The following DNAH11 variants were observed in gnomAD, a reference collection of about 807,000 sequenced individuals.
The protein encoded by DNAH11 is axonemal beta dynein heavy chain 11.
In DNAH11, 442 loss-of-function variants were observed where a neutral mutation model predicts 526.0. The observed-to-expected ratio is 0.84, with a 90% CI of 0.78 to 0.91. The LOEUF (loss-of-function observed/expected upper bound fraction) is 0.91. Ranked by LOEUF, DNAH11 falls within the 40% of genes least tolerant of loss-of-function variation. DNAH11 has a pLI of 0.00. For synonymous variants in DNAH11, 2,461 were observed against 1,935.9 expected, an observed-to-expected ratio of 1.27 and a Z score of -7.12; for missense variants, 6,989 against 5,448.7, an observed-to-expected ratio of 1.28 and a Z score of -8.90.
intron 6 of DNAH11, among the ~76,000 whole-genome samples, chr7:21,567,125 T>A (rs1783704220): frequency 6.6e-6 from 1 of 152,224 alleles, no homozygotes. Context: ...TTATATCAAT[T>A]ACATTGTTAT....
chr7:21,821,336 A>G lies in DNAH11; in HGVS notation c.10691+2997A>G, dbSNP rs112369234. ...CTTAGTAAAAGGATGTTGGTTGACC[A>G]CGTAGATTGGGGAATATCTATCTGG... On this transcript the variant is annotated intron_variant, in intron 65 of 81. Coordinates refer to ENST00000409508, the MANE Select transcript of DNAH11 (RefSeq NM_001277115.2). 1.1e-3 allele frequency among the ~76,000 whole-genome samples: 174 copies of G among 152,282 alleles called. 1 individual carries two copies. The highest frequency in any genetic ancestry group is 4.0e-3 in the African/African-American group (168 of 41,572).
intron 69 of DNAH11, 66 bp downstream of exon 69, chr7:21,862,089 T>A: frequency 7.0e-7 from 1 of 1,421,754 alleles, no homozygotes. Context: ...GTTTATTATA[T>A]ATTTTATTTC....
intron 36 of DNAH11, among the ~76,000 whole-genome samples, chr7:21,702,382 G>C (rs1177946381): frequency 6.6e-6 from 1 of 151,970 alleles, no homozygotes; most frequent in Non-Finnish European, 1.5e-5. Context: ...AGGTGAAAAC[G>C]GGGAATTTGC....
intron 25 of DNAH11, among the ~76,000 whole-genome samples, chr7:21,622,254 ACT>A (rs1169217818): frequency 6.6e-6 from 1 of 152,156 alleles, no homozygotes; most frequent in Non-Finnish European, 1.5e-5. Context: ...TAGGAATCCA[ACT>A]TACAAGGGAT....
chr7:21,679,927 T>G (rs187631809), intron 30 of DNAH11, among the ~76,000 whole-genome samples: 11 of 152,318 alleles, frequency 7.2e-5, no homozygotes. Context: ...CATGCAGGTT[T>G]GTTACATATG....
Position 21,600,768 on chromosome 7 carries a change from A to G in DNAH11, c.3093A>G (p.Arg1031=). 1 of 1,613,878 alleles carries G rather than the reference A, an allele frequency of 6.2e-7. No individual in the cohort carries two copies. Among genetic ancestry groups the G allele is most frequent in the Non-Finnish European group, 8.5e-7 (1 of 1,179,840 alleles). ...TCATCAACAAAGTCTTAGATTTCAG[A>G]AACACCCTGGAGACCCACACTTACC... The part of the protein sequence containing the change: ...VNVINKVLDF[R]NTLETHTYLW... The change falls in exon 16 of 82, where the codon AGA becomes AGG. Residue 1031 remains arginine (R), a synonymous_variant. Transcript: ENST00000409508.
intron 80 of DNAH11, 29 bp downstream of exon 80, chr7:21,899,477 T>G (rs1430369935): frequency 1.3e-6 from 2 of 1,548,554 alleles, no homozygotes; most frequent in South Asian, 1.1e-5. Context: ...CAGCCCCTGA[T>G]GCACACAGGA....
At chr7:21,866,019 CT>C (rs1450966091) in intron 70 of DNAH11, among the ~76,000 whole-genome samples, 1 of 152,160 alleles carries the variant, frequency 6.6e-6, no homozygotes, top group Admixed American at 6.5e-5. Flanking sequence ...AGCCAACTTC[CT>C]TACTGCAAGC....
In DNAH11 at chr7:21,802,390, G is replaced by A. The variant is rs539613809; in HGVS notation, c.10165+1115G>A. Among the ~76,000 whole-genome samples, 22 of 152,192 alleles carry A rather than the reference G, an allele frequency of 1.4e-4. No individual in the cohort carries two copies. In the South Asian group the frequency reaches 3.7e-3, roughly 26 times the overall value. On this transcript the variant is annotated intron_variant, in intron 62 of 81. Transcript: ENST00000409508. ...TGGTTGGAATGTAAAATTGTTCTGC[G>A]TCTTTGGAAAACAGTTCTGCAGTTC...
At chr7:21,806,305 A>G (rs1789261573) in intron 62 of DNAH11, among the ~76,000 whole-genome samples, 1 of 152,228 alleles carries the variant, frequency 6.6e-6, no homozygotes, top group African/African-American at 2.4e-5. Context: ...AAAAACAACA[A>G]AGATAGAGGG....
intron 20 of DNAH11, among the ~76,000 whole-genome samples, chr7:21,611,446 A>G (rs879828738): frequency 2.0e-5 from 3 of 152,142 alleles, no homozygotes; most frequent in Non-Finnish European, 4.4e-5. Context: ...TAATCGTGTG[A>G]GCCAATACCC....
At chr7:21,623,995 TAAAA>T (rs892247441) in intron 25 of DNAH11, among the ~76,000 whole-genome samples, 3 of 149,436 alleles carry the variant, frequency 2.0e-5, no homozygotes, top group Non-Finnish European at 4.5e-5. Context: ...AAATAAAAAA[TAAAA>T]AAAAAGAATC....
rs58058317 is a variant in DNAH11 at position 21,848,166 on chromosome 7, CAAAAAA to C, written c.10897-4289_10897-4284del. Among the ~76,000 whole-genome samples, 30 of 89,016 alleles carry C rather than the reference CAAAAAA, an allele frequency of 3.4e-4. 3 individuals are homozygous for C. The highest frequency in any genetic ancestry group is 1.2e-3 in the African/African-American group (28 of 23,756). 58.4% of individuals were successfully genotyped at this position (89,016 alleles called of 152,430 possible). Reference sequence around the variant, plus strand: ...TGGGTGATAGAGCGAGACTCTGTTTCAAAAAAAAAAAAAAAAAGATTATTATGCTTT... The same window carrying C: ...TGGGTGATAGAGCGAGACTCTGTTTCAAAAAAAAAAAGATTATTATGCTTT... On this transcript the variant is annotated intron_variant, in intron 66 of 81. Transcript: ENST00000409508.
chr7:21,774,834 C>G (rs893973374), intron 56 of DNAH11, among the ~76,000 whole-genome samples: 1 of 152,076 alleles, frequency 6.6e-6, no homozygotes, highest in East Asian at 1.9e-4. Context: ...CCAGTCAGGA[C>G]TTAGAGCTGG....
In DNAH11 at chr7:21,839,351, A is replaced by C. The variant is rs6976023; in HGVS notation, c.10692-3193A>C. 2.4e-4 allele frequency among the ~76,000 whole-genome samples: 37 copies of C among 151,912 alleles called. No homozygotes were observed. The South Asian group carries it at 7.3e-3, about 30-fold the overall frequency. ...GCACTTTGGTAGGCTGAGGGGGGCAAATCACGAGGTCAGGAGTTTGAGACC... is the reference window on the plus strand; with the variant it reads ...GCACTTTGGTAGGCTGAGGGGGGCACATCACGAGGTCAGGAGTTTGAGACC... On this transcript the variant is annotated intron_variant, in intron 65 of 81. Coordinates refer to ENST00000409508, the MANE Select transcript of DNAH11 (RefSeq NM_001277115.2).
At position 21,559,649 on chromosome 7, in the gene DNAH11, G is replaced by C. The variant is rs376917588; in HGVS notation, c.739G>C (p.Val247Leu). The change falls in exon 4 of 82, where the codon GTT (valine) becomes CTT (leucine). Residue 247 changes from valine (V) to leucine (L), a missense_variant. Coordinates refer to ENST00000409508, the MANE Select transcript of DNAH11 (RefSeq NM_001277115.2). ...AATACTTCATGCAATTGAATCTGTG[G>C]TTATTGAATGGTCACATCAAATCCA... ...RIILHAIESV[V>L]IEWSHQIQEI... 6.2e-7 allele frequency: 1 copy of C among 1,612,108 alleles called. No individual in the cohort carries two copies. The highest frequency in any genetic ancestry group is 8.5e-7 in the Non-Finnish European group (1 of 1,179,104).
At chr7:21,648,345 G>A (rs879911709) in intron 28 of DNAH11, among the ~76,000 whole-genome samples, 3 of 152,186 alleles carry the variant, frequency 2.0e-5, no homozygotes, top group South Asian at 4.1e-4. Flanking sequence ...CTAGAAACTA[G>A]TTCTCCATTT....
chr7:21,600,856 T>G lies in DNAH11; in HGVS notation c.3181T>G (p.Ser1061Ala). 1.9e-6 allele frequency: 3 copies of G among 1,613,946 alleles called. No homozygotes were observed. The highest frequency in any genetic ancestry group is 2.5e-6 in the Non-Finnish European group (3 of 1,179,848). The change falls in exon 16 of 82, where the codon TCC becomes GCC. Residue 1061 changes from serine to alanine, a missense_variant. Coordinates refer to ENST00000409508, the MANE Select transcript of DNAH11 (RefSeq NM_001277115.2). The stretch of plus-strand genomic sequence containing the variant: ...TCTCTTGTATGGCCATGCTGTGTCT[T>G]CCGATGAAATGGATGCTCATGCAAA... Reference protein sequence around the residue: ...HFLLYGHAVSSDEMDAHANEE... With the variant: ...HFLLYGHAVSADEMDAHANEE...
At chr7:21,673,907 GT>G (rs72169473) in intron 30 of DNAH11, among the ~76,000 whole-genome samples, 19 of 147,824 alleles carry the variant, frequency 1.3e-4, no homozygotes, top group East Asian at 2.0e-4. Context: ...TTATATTCAT[GT>G]TTTTTTTTTG....
Sources: gnomAD v4.1 joint callset for allele counts (sites outside exome capture counted in the v4.1 genomes callset) on GRCh38, gnomAD v4.1.1 for gene constraint, MANE v1.5 for transcripts, NCBI Gene and HGNC (gene_info 2026-07-23, HGNC 2026-07-21) for gene names.